BAALC: variants seen among roughly 807,000 people sequenced by gnomAD.
BAALC encodes the protein BAALC binder of MAP3K1 and KLF4.
A neutral mutation model predicts 15.5 loss-of-function variants in BAALC; 9 were observed. The ratio of observed to expected loss-of-function variants is 0.58; its 90% CI spans 0.35 to 1.02. BAALC has a LOEUF of 1.02. BAALC is among the 50% of genes least tolerant of loss of function. BAALC has a pLI of 0.02. For synonymous variants in BAALC, 80 were observed against 74.6 expected (o/e 1.07, Z -0.37); for missense variants, 201 against 192.4 (o/e 1.04, Z -0.27).
At chr8:103,161,139 T>C (rs899646394) in intron 1 of BAALC, among the ~76,000 whole-genome samples, 4 of 152,226 alleles carry the variant, frequency 2.6e-5, no homozygotes, top group Non-Finnish European at 4.4e-5. Flanking sequence ...TGTTTTATAT[T>C]GGTCAAACAT....
At chr8:103,185,725 TC>T (rs1811820654) in intron 1 of BAALC, among the ~76,000 whole-genome samples, 1 of 152,152 alleles carries the variant, frequency 6.6e-6, no homozygotes, top group South Asian at 2.1e-4. Flanking sequence ...GTTTCTTTCC[TC>T]CCCAAAATGG....
Position 103,226,634 on chromosome 8 carries a change from G to A in BAALC, c.328-1355G>A, listed in dbSNP as rs189968672. On this transcript the variant is annotated intron_variant, in intron 2 of 2. Coordinates refer to ENST00000309982, the MANE Select transcript of BAALC (RefSeq NM_024812.3). ...TCTCTTTTAGGGGATGGAGAGTCAG[G>A]GACTGGACACATATACTTAAAGAAC... 6.6e-5 allele frequency among the ~76,000 whole-genome samples: 10 copies of A among 152,194 alleles called. No individual in the cohort carries two copies. The East Asian group carries it at 1.9e-3, about 29-fold the overall frequency.
chr8:103,165,005 T>G (rs1811313362), intron 1 of BAALC, among the ~76,000 whole-genome samples: 2 of 152,040 alleles, frequency 1.3e-5, no homozygotes, highest in South Asian at 4.1e-4. Flanking sequence ...CTGTCTTGCA[T>G]TTGAAGAATG....
chr8:103,228,106 G>C lies in BAALC; in HGVS notation c.*7G>C, dbSNP rs528242180. The C allele has an allele frequency of 5.1e-6, 8 of 1,583,522 alleles. No homozygotes were observed. Among genetic ancestry groups the C allele is most frequent in the South Asian group, 4.4e-5 (4 of 90,122 alleles). On this transcript the variant is annotated 3_prime_UTR_variant, in exon 3 of 3. Transcript: ENST00000309982. ...AAAGAACTGTGTCAACTAGCAGAGA[G>C]TCCAAGCAGAAGGGCAGATGGACTT...
chr8:103,224,433 G>C (rs974375334), intron 2 of BAALC, among the ~76,000 whole-genome samples: 4 of 139,330 alleles, frequency 2.9e-5, no homozygotes, highest in Admixed American at 7.1e-5. Context: ...GGCGGGTGGG[G>C]GGGCAGGGGC....
intron 1 of BAALC, among the ~76,000 whole-genome samples, chr8:103,145,948 G>T (rs989470863): frequency 5.3e-5 from 8 of 152,116 alleles, no homozygotes; most frequent in African/African-American, 1.9e-4. Flanking sequence ...GATTCATTTT[G>T]ATAGAGCTAT....
intron 1 of BAALC, among the ~76,000 whole-genome samples, chr8:103,146,572 A>T (rs1424954438): frequency 6.6e-6 from 1 of 152,226 alleles, no homozygotes; most frequent in East Asian, 1.9e-4. Flanking sequence ...TTCTGGCTAC[A>T]TCAGGACCCT....
chr8:103,152,687 C>T (rs1349809160), intron 1 of BAALC, among the ~76,000 whole-genome samples: 3 of 152,226 alleles, frequency 2.0e-5, no homozygotes, highest in Non-Finnish European at 4.4e-5. Context: ...TTAGGGATTG[C>T]ATCTGGCTGC....
intron 1 of BAALC, among the ~76,000 whole-genome samples, chr8:103,179,198 A>T (rs1811673484): frequency 1.3e-5 from 2 of 152,208 alleles, no homozygotes; most frequent in Non-Finnish European, 2.9e-5. Context: ...TGCCTCCAGC[A>T]CTATGGAAAT....
intron 1 of BAALC, among the ~76,000 whole-genome samples, chr8:103,204,403 CAA>C (rs1812284121): frequency 6.6e-6 from 1 of 152,090 alleles, no homozygotes; most frequent in Non-Finnish European, 1.5e-5. Flanking sequence ...CTTTGAATCA[CAA>C]AAGTTTTCAG....
intron 1 of BAALC, among the ~76,000 whole-genome samples, chr8:103,179,234 G>A (rs1412763482): frequency 2.6e-5 from 4 of 152,128 alleles, no homozygotes; most frequent in Non-Finnish European, 5.9e-5. Context: ...TTCTTTGTTG[G>A]GGGTGCTGTC....
At chr8:103,157,644 TA>T (rs1012909500) in intron 1 of BAALC, among the ~76,000 whole-genome samples, 5 of 152,136 alleles carry the variant, frequency 3.3e-5, no homozygotes, top group Middle Eastern at 3.4e-3. Flanking sequence ...CTCATCTCTA[TA>T]AAAAAATTAT....
chr8:103,148,856 A>T lies in BAALC; in HGVS notation c.160+7799A>T, dbSNP rs1810925861. On this transcript the variant is annotated intron_variant, in intron 1 of 2. Transcript: ENST00000309982. ...GACGGATTTCCACTGTTACTTCCTCACACTTTTTTCTGAGATTGGATCTAT... is the reference window on the plus strand; with the variant it reads ...GACGGATTTCCACTGTTACTTCCTCTCACTTTTTTCTGAGATTGGATCTAT... Among the ~76,000 whole-genome samples, 4 of 152,136 alleles carry T rather than the reference A, an allele frequency of 2.6e-5. No individual in the cohort carries two copies. The South Asian group carries it at 8.3e-4, about 31-fold the overall frequency.
At chr8:103,179,328 T>C (rs1811676176) in intron 1 of BAALC, among the ~76,000 whole-genome samples, 1 of 152,216 alleles carries the variant, frequency 6.6e-6, no homozygotes, top group Non-Finnish European at 1.5e-5. Context: ...AAAGTCATGC[T>C]GGGTAGGAGC....
chr8:103,162,015 CAGTGATACGATCA>C (rs1811237573), intron 1 of BAALC, among the ~76,000 whole-genome samples: 1 of 152,078 alleles, frequency 6.6e-6, no homozygotes, highest in Non-Finnish European at 1.5e-5. Flanking sequence ...GGCTGAAGCA[CAGTGATACGATCA>C]AGGTTCACTG....
intron 1 of BAALC, among the ~76,000 whole-genome samples, chr8:103,209,557 C>T (rs1812403598): frequency 1.3e-5 from 2 of 151,998 alleles, no homozygotes; most frequent in African/African-American, 4.8e-5. Context: ...ACCCCATGAG[C>T]CCCACCCTTC....
intron 1 of BAALC, among the ~76,000 whole-genome samples, chr8:103,142,604 T>C (rs1043576344): frequency 6.6e-6 from 1 of 152,090 alleles, no homozygotes; most frequent in African/African-American, 2.4e-5. Flanking sequence ...AGATCTAGCA[T>C]GAAAAAAATA....
chr8:103,156,009 TTC>T (rs922235089), intron 1 of BAALC, among the ~76,000 whole-genome samples: 1 of 152,230 alleles, frequency 6.6e-6, no homozygotes, highest in Admixed American at 6.5e-5. Context: ...ACTACTCAAC[TTC>T]TCTGTTTTTA....
intron 1 of BAALC, among the ~76,000 whole-genome samples, chr8:103,167,661 G>A (rs1298691631): frequency 6.6e-6 from 1 of 152,198 alleles, no homozygotes; most frequent in African/African-American, 2.4e-5. Context: ...GAGGCAGGAA[G>A]AGTTTGGCAT....
Sources: gnomAD v4.1 joint callset for allele counts (sites outside exome capture counted in the v4.1 genomes callset) on GRCh38, gnomAD v4.1.1 for gene constraint, MANE v1.5 for transcripts, NCBI Gene and HGNC (gene_info 2026-07-23, HGNC 2026-07-21) for gene names.